The following NXPE2 variants were observed in gnomAD, a reference collection of about 807,000 sequenced individuals.
NXPE2 encodes neurexophilin and PC-esterase domain family member 2, also known as NXPE family member 2.
NXPE2 carries 34 observed loss-of-function variants against 34.4 expected under a neutral mutation model. The ratio of observed to expected loss-of-function variants is 0.99; its 90% CI spans 0.75 to 1.31. NXPE2 has a LOEUF of 1.31. NXPE2 is among the 40% of genes most tolerant of loss of function. The probability of loss-of-function intolerance (pLI) is 0.00; values close to 1 mark genes in which losing one functional copy is unlikely to be tolerated. For synonymous variants in NXPE2, 235 were observed against 231.3 expected (o/e 1.02, Z -0.15); for missense variants, 649 against 672.5 (o/e 0.97, Z 0.39).
At chr11:114,593,160 G>A in the NXPE2 span, among the ~76,000 whole-genome samples, 1 of 152,064 alleles carries the variant, frequency 6.6e-6, no homozygotes, top group Non-Finnish European at 1.5e-5. Context: ...GAGAAGAAAA[G>A]CAAAGATAGA....
At position 114,686,247 on chromosome 11, in the gene NXPE2, A is replaced by C. The variant is rs1381500335; in HGVS notation, c.132+6485A>C. 2.6e-5 allele frequency among the ~76,000 whole-genome samples: 4 copies of C among 152,170 alleles called. No homozygotes were observed. The East Asian group carries it at 7.7e-4, about 29-fold the overall frequency. On this transcript the variant is annotated intron_variant, in intron 2 of 5. Coordinates refer to ENST00000389586, the MANE Select transcript of NXPE2 (RefSeq NM_182495.6). ...GTAGTGAACATAGTACCCAATAGGTAGTTTTTCAATCCTTGCCATCCTCCC... is the reference window on the plus strand; with the variant it reads ...GTAGTGAACATAGTACCCAATAGGTCGTTTTTCAATCCTTGCCATCCTCCC...
At chr11:114,770,186 C>G in the NXPE2 span, among the ~76,000 whole-genome samples, 2 of 152,192 alleles carry the variant, frequency 1.3e-5, no homozygotes, top group Non-Finnish European at 2.9e-5. Context: ...CCCCTAAACT[C>G]TACTTTCCTC....
chr11:114,720,449 A>G, the NXPE2 span, among the ~76,000 whole-genome samples: 10 of 152,274 alleles, frequency 6.6e-5, no homozygotes, highest in East Asian at 1.9e-4. Flanking sequence ...TGCTTTTCAT[A>G]TGTGTCGGGG....
At chr11:114,539,650 G>C in the NXPE2 span, among the ~76,000 whole-genome samples, 1 of 152,030 alleles carries the variant, frequency 6.6e-6, no homozygotes, top group Non-Finnish European at 1.5e-5. Flanking sequence ...GATGGAATCT[G>C]ATTAACTAAT....
At chr11:114,809,327 T>C in the NXPE2 span, among the ~76,000 whole-genome samples, 1 of 151,874 alleles carries the variant, frequency 6.6e-6, no homozygotes, top group Non-Finnish European at 1.5e-5. Flanking sequence ...CAACATAGTG[T>C]TGGAAATTCT....
At chr11:114,783,077 G>A in the NXPE2 span, among the ~76,000 whole-genome samples, 2 of 150,880 alleles carry the variant, frequency 1.3e-5, no homozygotes, top group African/African-American at 4.9e-5. Context: ...TATTTACTCC[G>A]GCTCCCTGCA....
At chr11:114,585,722 C>T in the NXPE2 span, among the ~76,000 whole-genome samples, 1 of 152,072 alleles carries the variant, frequency 6.6e-6, no homozygotes, top group South Asian at 2.1e-4. Context: ...GAGTCCTTGG[C>T]AAGGCTTCCC....
At position 114,706,823 on chromosome 11, in the gene NXPE2, A is replaced by T; in HGVS notation, c.1573A>T (p.Ile525Phe). 1.3e-6 allele frequency: 2 copies of T among 1,552,090 alleles called. No homozygotes were observed. Among genetic ancestry groups the T allele is most frequent in the Middle Eastern group, 1.7e-4 (1 of 5,996 alleles). ...TATTTTTGTGGATCTTAATGTGGGT[A>T]TTATTGATGCCTGGGACATGACGAT... ...RDIFVDLNVG[I>F]IDAWDMTIAY... The change falls in exon 6 of 6, where the codon ATT (isoleucine) becomes TTT (phenylalanine). Residue 525 changes from isoleucine to phenylalanine, a missense_variant. Ile to Phe is a conservative substitution (Grantham distance 21, BLOSUM62 0). Coordinates refer to ENST00000389586, the MANE Select transcript of NXPE2 (RefSeq NM_182495.6).
chr11:114,687,963 C>G lies in NXPE2; in HGVS notation c.132+8201C>G, dbSNP rs576805738. 4.6e-5 allele frequency among the ~76,000 whole-genome samples: 7 copies of G among 152,086 alleles called. No homozygotes were observed. In the East Asian group the frequency reaches 1.3e-3, roughly 29 times the overall value. Reference sequence around the variant, plus strand: ...TTGTATCCTGAGACTTTGCTAAAGACCTGTTTATCAGGTCTAGGAGTCTTT... The same window carrying G: ...TTGTATCCTGAGACTTTGCTAAAGAGCTGTTTATCAGGTCTAGGAGTCTTT... On this transcript the variant is annotated intron_variant, in intron 2 of 5. Transcript: ENST00000389586.
At chr11:114,553,632 A>G in the NXPE2 span, 2 of 788,022 alleles carry the variant, frequency 2.5e-6, no homozygotes, top group African/African-American at 3.8e-5. Flanking sequence ...TGCAAATCAG[A>G]CTTCTTAGAA....
the NXPE2 span, among the ~76,000 whole-genome samples, chr11:114,578,052 A>T: frequency 8.5e-5 from 13 of 152,324 alleles, no homozygotes; most frequent in Admixed American, 8.5e-4. Flanking sequence ...CACATTAATT[A>T]GACTTTTATC....
chr11:114,479,218 T>G, the NXPE2 span, among the ~76,000 whole-genome samples: 3 of 152,160 alleles, frequency 2.0e-5, no homozygotes, highest in Non-Finnish European at 4.4e-5. Context: ...ATACTTTCCT[T>G]TGGACACTCT....
chr11:114,649,600 T>G, the NXPE2 span, among the ~76,000 whole-genome samples: 1 of 152,182 alleles, frequency 6.6e-6, no homozygotes, highest in East Asian at 1.9e-4. Context: ...CTTGAGATGA[T>G]GAAAATTTTC....
chr11:114,764,320 T>C, the NXPE2 span, among the ~76,000 whole-genome samples: 422 of 152,238 alleles, frequency 2.8e-3, no homozygotes, highest in African/African-American at 8.9e-3. Context: ...GGCATGATAG[T>C]AGTATTACAG....
the NXPE2 span, among the ~76,000 whole-genome samples, chr11:114,740,544 T>A: frequency 6.6e-6 from 1 of 151,458 alleles, no homozygotes; most frequent in African/African-American, 2.4e-5. Flanking sequence ...CTCTCTATGC[T>A]TTTTTTAAAA....
At chr11:114,803,103 C>T in the NXPE2 span, among the ~76,000 whole-genome samples, 1 of 152,206 alleles carries the variant, frequency 6.6e-6, no homozygotes, top group East Asian at 1.9e-4. Context: ...ACAGGCTCAG[C>T]CAAGGCCAGA....
At chr11:114,627,594 G>C in the NXPE2 span, among the ~76,000 whole-genome samples, 3 of 150,884 alleles carry the variant, frequency 2.0e-5, no homozygotes, top group South Asian at 4.3e-4. Flanking sequence ...ATTGAGACTA[G>C]GAAGAAACTG....
the NXPE2 span, among the ~76,000 whole-genome samples, chr11:114,537,370 C>T: frequency 6.6e-6 from 1 of 152,122 alleles, no homozygotes; most frequent in Non-Finnish European, 1.5e-5. Context: ...AAAACTGGCA[C>T]AAGACAGGGA....
chr11:114,750,930 A>G, the NXPE2 span, among the ~76,000 whole-genome samples: 1 of 152,054 alleles, frequency 6.6e-6, no homozygotes, highest in African/African-American at 2.4e-5. Context: ...TCAGTGCCTT[A>G]ATACAACAAA....
Sources: gnomAD v4.1 joint callset for allele counts (sites outside exome capture counted in the v4.1 genomes callset) on GRCh38, gnomAD v4.1.1 for gene constraint, MANE v1.5 for transcripts, NCBI Gene and HGNC (gene_info 2026-07-23, HGNC 2026-07-21) for gene names.